TIMM22: variants seen among roughly 807,000 people sequenced by gnomAD.
TIMM22 encodes translocase of inner mitochondrial membrane 22.
A neutral mutation model predicts 18.3 loss-of-function variants in TIMM22; 12 were observed. The observed-to-expected ratio is 0.65, with a 90% CI of 0.42 to 1.06. The LOEUF (loss-of-function observed/expected upper bound fraction) is 1.06, where lower values mean the gene tolerates loss of function less well. Ranked by LOEUF, TIMM22 falls within the 50% of genes least tolerant of loss-of-function variation. The pLI, the probability that TIMM22 is intolerant of heterozygous loss-of-function variation, is 0.00. For missense variants in TIMM22, 278 were observed against 252.8 expected (o/e 1.10, Z -0.68); for synonymous variants, 107 against 98.5 (o/e 1.09, Z -0.51).
At chr17:999,415 G>T in intron 2 of TIMM22, 97 bp from the exon 3 acceptor site, 1 of 1,074,778 alleles carries the variant, frequency 9.3e-7, no homozygotes, top group Non-Finnish European at 1.4e-6. Flanking sequence ...CCTTTGGGTA[G>T]GGACTGAATG....
intron 3 of TIMM22, 62 bp from the exon 4 acceptor site, chr17:1,000,949 CG>C: frequency 1.3e-6 from 2 of 1,585,046 alleles, no homozygotes; most frequent in East Asian, 2.2e-5. Context: ...GCCAACTTTC[CG>C]TGAGTGCCTC....
Position 997,363 on chromosome 17 carries a change from C to T in TIMM22, c.221C>T (p.Ala74Val), listed in dbSNP as rs2069693784. Residue 74 changes from alanine (A) to valine (V), a missense_variant, in exon 1 of 4, where the codon GCG becomes GTG. Physicochemically the swap from Ala to Val is moderately conservative, Grantham distance 64 (BLOSUM62 0). Coordinates refer to ENST00000327158, the MANE Select transcript of TIMM22 (RefSeq NM_013337.4). ...ATGGAAAGCTGCGCTTTCAAGGCTGCGCTGGCCTGCGTGGGAGGTGAGGCC... is the reference window on the plus strand; with the variant it reads ...ATGGAAAGCTGCGCTTTCAAGGCTGTGCTGGCCTGCGTGGGAGGTGAGGCC... ...KAMESCAFKAALACVGGFVLG... is the reference protein window; with the variant it reads ...KAMESCAFKAVLACVGGFVLG... 6.2e-7 allele frequency: 1 copy of T among 1,612,908 alleles called. No individual in the cohort carries two copies. The highest frequency in any genetic ancestry group is 1.3e-5 in the African/African-American group (1 of 74,922).
At position 1,002,340 on chromosome 17, in the gene TIMM22, A is replaced by G. The variant is rs541039741; in HGVS notation, c.*1252A>G. ...AGTGGTGATGAGTCTCCTTTTTCCTATAATACGGTAATTCCTCTATCCTTT... is the reference window on the plus strand; with the variant it reads ...AGTGGTGATGAGTCTCCTTTTTCCTGTAATACGGTAATTCCTCTATCCTTT... On this transcript the variant is annotated 3_prime_UTR_variant, in exon 4 of 4. Transcript: ENST00000327158. 1 of 152,196 alleles carries G rather than the reference A, an allele frequency of 6.6e-6. No individual in the cohort carries two copies. The highest frequency in any genetic ancestry group is 2.4e-5 in the African/African-American group (1 of 41,478). The allele number at this position is 152,196 out of a possible 1,614,324, so 9.4% of individuals were successfully genotyped here.
At position 998,956 on chromosome 17, in the gene TIMM22, C is replaced by T. The variant is rs746611432; in HGVS notation, c.416C>T (p.Thr139Ile). The part of the protein sequence containing the change: ...FAIVGAMFSC[T>I]ECLIESYRGT... ...ATTGTGGGAGCCATGTTTTCTTGTA[C>T]TGAGTGTTTGATAGAATCTGTAAGT... Residue 139 changes from threonine to isoleucine, a missense_variant, in exon 2 of 4, where the codon ACT (threonine) becomes ATT (isoleucine). Coordinates refer to ENST00000327158, the MANE Select transcript of TIMM22 (RefSeq NM_013337.4). 3.1e-6 allele frequency: 5 copies of T among 1,613,584 alleles called. No homozygotes were observed. The highest frequency in any genetic ancestry group is 2.7e-5 in the African/African-American group (2 of 74,894).
intron 1 of TIMM22, 120 bp from the exon 2 acceptor site, chr17:998,659 A>G: frequency 1.0e-6 from 1 of 998,926 alleles, no homozygotes; most frequent in Non-Finnish European, 1.4e-6. Context: ...TTTGAGTGGC[A>G]AGAGGGGGGT....
chr17:999,554 T>C lies in TIMM22; in HGVS notation c.478T>C (p.Cys160Arg). The change falls in exon 3 of 4, where the codon TGC (cysteine) becomes CGC (arginine). Residue 160 changes from cysteine (C) to arginine (R), a missense_variant. By Grantham distance (180) the Cys-to-Arg change is radical. Transcript: ENST00000327158. ...SDWKNSVISG[C>R]ITGGAIGFRA... ...CTGGAAGAACAGTGTCATCAGTGGC[T>C]GCATCACGGGAGGAGCTATTGGTTT... The C allele has an allele frequency of 6.2e-7, 1 of 1,613,678 alleles. No individual in the cohort carries two copies. The highest frequency in any genetic ancestry group is 1.3e-5 in the African/African-American group (1 of 74,916).
At position 1,002,260 on chromosome 17, in the gene TIMM22, T is replaced by C. The variant is rs1055536399; in HGVS notation, c.*1172T>C. ...CTGGAGTCAGGCCTTTGCTCTTGGG[T>C]GGGGCACAGGCAGGTCGCTTGGTGG... On this transcript the variant is annotated 3_prime_UTR_variant, in exon 4 of 4. Transcript: ENST00000327158. 3 of 151,922 alleles carry C rather than the reference T, an allele frequency of 2.0e-5. No individual in the cohort carries two copies. Among genetic ancestry groups the C allele is most frequent in the Admixed American group, 6.6e-5 (1 of 15,228 alleles). 9.4% of individuals were successfully genotyped at this position (151,922 alleles called of 1,614,324 possible). A position where few individuals can be genotyped will look rare whatever the true frequency, so the allele number is the denominator to read the frequency against.
At position 998,753 on chromosome 17, in the gene TIMM22, A is replaced by C. The variant is rs764988337; in HGVS notation, c.239-26A>C. On this transcript the variant is annotated intron_variant, in intron 1 of 3. Transcript: ENST00000327158. ...GTAATGCAGAAAACATGCCAAAGAC[A>C]CCTTCATCTCTGTGTTTGCTTCTAG... 6.9e-6 allele frequency: 11 copies of C among 1,604,168 alleles called. No individual in the cohort carries two copies. The Admixed American group carries it at 1.4e-4, about 20-fold the overall frequency.
intron 2 of TIMM22, 102 bp from the exon 3 acceptor site, chr17:999,410 G>T: frequency 1.1e-6 from 1 of 949,784 alleles, no homozygotes; most frequent in Non-Finnish European, 1.6e-6. Context: ...GGTTTCCTTT[G>T]GGTAGGGACT....
At position 999,585 on chromosome 17, in the gene TIMM22, GTTAGTAAACGGCTCTCGAA is replaced by G. The variant is rs1765385161; in HGVS notation, c.508+3_508+21del. ...ACGGGAGGAGCTATTGGTTTCAGAGGTTAGTAAACGGCTCTCGAATGCTTTTTCTTTGTGGCCTTGGACA... is the reference window on the plus strand; with the variant it reads ...ACGGGAGGAGCTATTGGTTTCAGAGGTGCTTTTTCTTTGTGGCCTTGGACA... On this transcript the variant is annotated splice_donor_variant and splice_donor_5th_base_variant and intron_variant, in intron 3 of 3. Coordinates refer to ENST00000327158, the MANE Select transcript of TIMM22 (RefSeq NM_013337.4). LOFTEE classifies it high-confidence loss of function. The G allele has an allele frequency of 6.2e-7, 1 of 1,612,738 alleles. No individual in the cohort carries two copies. The highest frequency in any genetic ancestry group is 1.1e-5 in the South Asian group (1 of 90,844).
At chr17:998,257 A>G (rs1266266333) in intron 1 of TIMM22, among the ~76,000 whole-genome samples, 1 of 152,208 alleles carries the variant, frequency 6.6e-6, no homozygotes, top group Non-Finnish European at 1.5e-5. Context: ...GGAAGGACAG[A>G]TGTGGCAGCA....
rs2069756244 is a variant in TIMM22 at position 1,001,936 on chromosome 17, T to C, written c.*848T>C. 1 of 152,156 alleles carries C rather than the reference T, an allele frequency of 6.6e-6. No homozygotes were observed. The highest frequency in any genetic ancestry group is 2.4e-5 in the African/African-American group (1 of 41,420). 9.4% of individuals were successfully genotyped at this position (152,156 alleles called of 1,614,324 possible). On this transcript the variant is annotated 3_prime_UTR_variant, in exon 4 of 4. Coordinates refer to ENST00000327158, the MANE Select transcript of TIMM22 (RefSeq NM_013337.4). The stretch of plus-strand genomic sequence containing the variant: ...CACACTGCCTTCACGACGTGACTGC[T>C]GGACCTGGCCGAGCTTGAGGCCACA...
intron 3 of TIMM22, 47 bp downstream of exon 3, chr17:999,631 C>G: frequency 6.4e-7 from 1 of 1,570,058 alleles, no homozygotes; most frequent in Non-Finnish European, 8.8e-7. Flanking sequence ...CCTTGGACAA[C>G]GTGCTGAGGT....
intron 2 of TIMM22, among the ~76,000 whole-genome samples, chr17:999,267 C>T (rs966999497): frequency 6.7e-6 from 1 of 148,624 alleles, no homozygotes; most frequent in African/African-American, 2.5e-5. Context: ...ATTCCAAATG[C>T]TGGGCTTGGT....
chr17:997,437 C>G, intron 1 of TIMM22, 57 bp downstream of exon 1: 1 of 1,549,116 alleles, frequency 6.5e-7, no homozygotes, highest in Non-Finnish European at 8.8e-7. Context: ...CAGTGGGGAT[C>G]TCTGCCGAGA....
chr17:997,219 G>T lies in TIMM22; in HGVS notation c.77G>T (p.Ser26Ile). 1 of 1,613,138 alleles carries T rather than the reference G, an allele frequency of 6.2e-7. No homozygotes were observed. Among genetic ancestry groups the T allele is most frequent in the Non-Finnish European group, 8.5e-7 (1 of 1,179,928 alleles). Residue 26 changes from serine (S) to isoleucine (I), a missense_variant, in exon 1 of 4, where the codon AGC (serine) becomes ATC (isoleucine). By Grantham distance (142) the Ser-to-Ile change is moderately radical (BLOSUM62 -2). Coordinates refer to ENST00000327158, the MANE Select transcript of TIMM22 (RefSeq NM_013337.4). ...AGSAEAPLQY[S>I]LLLQYLVGDK... Reference sequence around the variant, plus strand: ...TCCGCCGAAGCTCCGCTGCAGTACAGCCTGCTCCTGCAGTACCTGGTGGGT... The same window carrying T: ...TCCGCCGAAGCTCCGCTGCAGTACATCCTGCTCCTGCAGTACCTGGTGGGT...
intron 3 of TIMM22, among the ~76,000 whole-genome samples, chr17:999,801 CTT>C (rs902671387): frequency 6.6e-6 from 1 of 152,136 alleles, no homozygotes; most frequent in Non-Finnish European, 1.5e-5. Flanking sequence ...CCAGACGAAT[CTT>C]TGTCGGGATT....
At chr17:1,000,864 C>T in intron 3 of TIMM22, 148 bp from the exon 4 acceptor site, 1 of 776,208 alleles carries the variant, frequency 1.3e-6, no homozygotes, top group Non-Finnish European at 2.3e-6. Flanking sequence ...TACACTGCTT[C>T]ATTGATGTCT....
Position 997,311 on chromosome 17 carries a change from G to A in TIMM22, c.169G>A (p.Glu57Lys), listed in dbSNP as rs754607420. The A allele has an allele frequency of 3.0e-5, 48 of 1,613,926 alleles. No individual in the cohort carries two copies. Among genetic ancestry groups the A allele is most frequent in the Non-Finnish European group, 3.9e-5 (46 of 1,179,998 alleles). The change falls in exon 1 of 4, where the codon GAG (glutamate) becomes AAG (lysine). Residue 57 changes from glutamate (E) to lysine (K), a missense_variant. Physicochemically the swap from Glu to Lys is moderately conservative, Grantham distance 56. Transcript: ENST00000327158. The part of the protein sequence containing the change: ...LGGIPSPAKS[E>K]EQKMIEKAME... ...CGGGATCCCAAGTCCAGCCAAGAGT[G>A]AGGAGCAGAAGATGATCGAGAAGGC...
Sources: allele counts gnomAD v4.1 joint callset (sites outside exome capture counted in the v4.1 genomes callset), GRCh38; gene constraint gnomAD v4.1.1; transcripts MANE v1.5; gene names NCBI Gene and HGNC (gene_info 2026-07-23, HGNC 2026-07-21).